RASSF2: variants seen among roughly 807,000 people sequenced by gnomAD.
RASSF2 encodes the protein ras association domain-containing protein 2.
In RASSF2, 34 loss-of-function variants were observed where a neutral mutation model predicts 46.3. The ratio of observed to expected loss-of-function variants is 0.73; its 90% CI spans 0.56 to 0.98. The LOEUF is 0.98. RASSF2 is among the 50% of genes least tolerant of loss of function. RASSF2 has a pLI of 0.00. For missense variants in RASSF2, 364 were observed against 431.2 expected, an observed-to-expected ratio of 0.84 and a Z score of 1.38; for synonymous variants, 158 against 162.5, an observed-to-expected ratio of 0.97 and a Z score of 0.21.
chr20:4,802,905 TATA>T, intron 2 of RASSF2, among the ~76,000 whole-genome samples: 1 of 78,030 alleles, frequency 1.3e-5, no homozygotes, highest in East Asian at 1.1e-3. Flanking sequence ...TACATATATA[TATA>T]TATATATTTT....
Position 4,790,380 on chromosome 20 carries a change from G to A in RASSF2, c.537+71C>T, listed in dbSNP as rs2122462816. The A allele has an allele frequency of 7.3e-7, 1 of 1,374,926 alleles. No homozygotes were observed. Among genetic ancestry groups the A allele is most frequent in the East Asian group, 2.8e-5 (1 of 35,856 alleles). 85.2% of individuals were successfully genotyped at this position (1,374,926 alleles called of 1,614,324 possible). A position where few individuals can be genotyped will look rare whatever the true frequency, so the allele number is the denominator to read the frequency against. ...CAGGCATCCACACCACCCACCATAT[G>A]GCTGTAGCCCTGAGGTGGCATCTAC... On this transcript the variant is annotated intron_variant, in intron 7 of 11. Coordinates refer to ENST00000379400, the MANE Select transcript of RASSF2 (RefSeq NM_014737.3). This position sits in a 1 kb window ranked among gnomAD's most constrained non-coding sequence, Gnocchi z 4.3.
In RASSF2 at chr20:4,786,234, C is replaced by T. The variant is rs192780679; in HGVS notation, c.908G>A (p.Arg303His). Residue 303 changes from arginine to histidine, a missense_variant, in exon 11 of 12, where the codon CGC (arginine) becomes CAC (histidine). Arg to His is a conservative substitution (Grantham distance 29, BLOSUM62 0). Coordinates refer to ENST00000379400, the MANE Select transcript of RASSF2 (RefSeq NM_014737.3). ...GTGCCCCAGAAGCCACACTTACTTG[C>T]GCATCAGCTTCTTTACTTCCCGATC... is the stretch of plus-strand genomic sequence containing the variant. ...EEDREVKKLM[R>H]KYTVLRLMIR... is the part of the protein sequence containing the mutation. 82 of 1,606,462 alleles carry T rather than the reference C, an allele frequency of 5.1e-5. 2 individuals are homozygous for T. In the Admixed American group the frequency reaches 5.5e-4, roughly 11 times the overall value.
chr20:4,820,170 CG>C (rs1359335228), intron 2 of RASSF2, among the ~76,000 whole-genome samples: 3 of 152,144 alleles, frequency 2.0e-5, no homozygotes, highest in Non-Finnish European at 4.4e-5. Flanking sequence ...TGAAACCAGC[CG>C]TGAGACCTGT....
chr20:4,800,078 C>A (rs1334355545), intron 3 of RASSF2, among the ~76,000 whole-genome samples: 1 of 151,606 alleles, frequency 6.6e-6, no homozygotes, highest in Non-Finnish European at 1.5e-5. Context: ...CGCCACTGCA[C>A]TCCAGCCTAG....
intron 2 of RASSF2, among the ~76,000 whole-genome samples, chr20:4,821,710 G>A (rs1349884634): frequency 1.3e-5 from 2 of 152,178 alleles, no homozygotes; most frequent in African/African-American, 4.8e-5. Context: ...TGCCCAGGCA[G>A]GCTGCACGCT....
intron 2 of RASSF2, among the ~76,000 whole-genome samples, chr20:4,816,585 T>C (rs190190413): frequency 6.6e-6 from 1 of 152,300 alleles, no homozygotes; most frequent in African/African-American, 2.4e-5. Flanking sequence ...CACTAATTTG[T>C]ACACTTAGAA....
At chr20:4,802,548 T>C (rs756289460) in intron 2 of RASSF2, among the ~76,000 whole-genome samples, 8 of 152,096 alleles carry the variant, frequency 5.3e-5, no homozygotes, top group Non-Finnish European at 1.2e-4. Context: ...CTTGAAGACA[T>C]TATAACAGGC....
At chr20:4,813,412 T>C (rs115989827) in intron 2 of RASSF2, among the ~76,000 whole-genome samples, 3,062 of 151,898 alleles carry the variant, frequency 0.02, 91 homozygotes, top group African/African-American at 0.07. Flanking sequence ...GACGCGACTG[T>C]GGAAGATGGG....
chr20:4,802,893 TATAC>T (rs1290791869), intron 2 of RASSF2, among the ~76,000 whole-genome samples: 1 of 96,980 alleles, frequency 1.0e-5, no homozygotes, highest in Non-Finnish European at 2.2e-5. Flanking sequence ...TATATATATA[TATAC>T]ATATATATAT....
intron 2 of RASSF2, among the ~76,000 whole-genome samples, chr20:4,806,134 A>G (rs547393718): frequency 5.3e-5 from 8 of 152,308 alleles, no homozygotes; most frequent in African/African-American, 1.7e-4. Context: ...CCCTGGAGAA[A>G]GAGGAAAAAC....
intron 8 of RASSF2, 60 bp downstream of exon 8, chr20:4,789,536 C>G (rs548977094): frequency 3.5e-6 from 5 of 1,434,722 alleles, no homozygotes; most frequent in African/African-American, 2.8e-5. Flanking sequence ...CACAACCACT[C>G]TAGGAGTCCC....
intron 1 of RASSF2, among the ~76,000 whole-genome samples, chr20:4,822,801 GGA>G (rs1387849916): frequency 6.6e-6 from 1 of 152,076 alleles, no homozygotes; most frequent in African/African-American, 2.4e-5. Flanking sequence ...CCCGCGCCGG[GGA>G]CTGGGACCTG....
chr20:4,815,650 G>A (rs536910556), intron 2 of RASSF2, among the ~76,000 whole-genome samples: 4 of 152,270 alleles, frequency 2.6e-5, no homozygotes, highest in East Asian at 1.9e-4. Context: ...CTCTCTGCAC[G>A]GCACCTGCTC....
rs935601357 is a variant in RASSF2 at position 4,790,691 on chromosome 20, A to T, written c.377-80T>A. ...TGGTCCCCAATTTGTGGCCAGTGCG[A>T]CAGCACCCACTGTCTCCACAAATAT... On this transcript the variant is annotated intron_variant, in intron 6 of 11. Coordinates refer to ENST00000379400, the MANE Select transcript of RASSF2 (RefSeq NM_014737.3). This position sits in a 1 kb window ranked among gnomAD's most constrained non-coding sequence, Gnocchi z 4.3. 5.4e-6 allele frequency: 6 copies of T among 1,105,692 alleles called. No homozygotes were observed. The highest frequency in any genetic ancestry group is 7.5e-6 in the Non-Finnish European group (6 of 795,206). The allele number at this position is 1,105,692 out of a possible 1,614,324, so 68.5% of individuals were successfully genotyped here.
intron 2 of RASSF2, among the ~76,000 whole-genome samples, chr20:4,817,665 C>T (rs929520560): frequency 2.0e-5 from 3 of 152,134 alleles, no homozygotes; most frequent in Admixed American, 1.3e-4. Context: ...TGGAGACACA[C>T]CATGCCGGAG....
intron 5 of RASSF2, among the ~76,000 whole-genome samples, chr20:4,794,791 T>C (rs919435309): frequency 6.6e-6 from 1 of 152,182 alleles, no homozygotes; most frequent in African/African-American, 2.4e-5. Context: ...CAAAGAACCT[T>C]AACCAGACAT....
chr20:4,816,007 T>G (rs2122682115), intron 2 of RASSF2, among the ~76,000 whole-genome samples: 1 of 152,384 alleles, frequency 6.6e-6, no homozygotes, highest in South Asian at 2.1e-4. Context: ...TTTTGTTTTA[T>G]TTTTTAAATA....
At chr20:4,788,824 T>G (rs1925596626) in intron 8 of RASSF2, among the ~76,000 whole-genome samples, 1 of 152,250 alleles carries the variant, frequency 6.6e-6, no homozygotes. Context: ...TATCGTCTAT[T>G]GCAATGTGCC....
chr20:4,804,271 G>A (rs908356425), intron 2 of RASSF2, among the ~76,000 whole-genome samples: 2 of 145,026 alleles, frequency 1.4e-5, no homozygotes, highest in Admixed American at 1.4e-4. Context: ...AAAAAAGGAA[G>A]AATAATCTGA....
Sources: allele counts gnomAD v4.1 joint callset (sites outside exome capture counted in the v4.1 genomes callset), GRCh38; gene constraint gnomAD v4.1.1; non-coding constraint Gnocchi (gnomAD v3.1); transcripts MANE v1.5; gene names NCBI Gene and HGNC (gene_info 2026-07-23, HGNC 2026-07-21).